DPH6: variants seen among roughly 807,000 people sequenced by gnomAD.
The protein encoded by DPH6 is diphthine--ammonia ligase.
A neutral mutation model predicts 38.2 loss-of-function variants in DPH6; 33 were observed. The ratio of observed to expected loss-of-function variants is 0.86; its 90% confidence interval spans 0.65 to 1.15. The LOEUF (loss-of-function observed/expected upper bound fraction) is 1.15. DPH6 is among the 50% of genes most tolerant of loss of function. The pLI is 0.00. For synonymous variants in DPH6, 108 were observed against 103.0 expected, an observed-to-expected ratio of 1.05 and a Z score of -0.30; for missense variants, 325 against 320.0, an observed-to-expected ratio of 1.02 and a Z score of -0.12.
chr15:35,488,219 T>C (rs2054430587), intron 3 of DPH6, among the ~76,000 whole-genome samples: 1 of 152,168 alleles, frequency 6.6e-6, no homozygotes, highest in Non-Finnish European at 1.5e-5. Context: ...TCCTGTCTTC[T>C]TCTGAGCTCT....
At chr15:35,213,853 C>T (rs577309466), downstream of DPH6, among the ~76,000 whole-genome samples, 66 of 152,320 alleles carry the variant, frequency 4.3e-4, no homozygotes, top group African/African-American at 1.6e-3. Context: ...TGGCTCACGC[C>T]TGTAATCCCA....
At chr15:35,453,380 C>A (rs935426804) in intron 4 of DPH6, among the ~76,000 whole-genome samples, 29 of 152,152 alleles carry the variant, frequency 1.9e-4, no homozygotes, top group Admixed American at 1.2e-3. Context: ...TCATCCCTAT[C>A]TCCAGTTTGG....
intron 3 of DPH6, among the ~76,000 whole-genome samples, chr15:35,248,501 A>T (rs2051650559): frequency 6.6e-6 from 1 of 152,170 alleles, no homozygotes; most frequent in Non-Finnish European, 1.5e-5. Context: ...CCACAACCTC[A>T]GTCTATTACT....
chr15:35,449,950 A>G (rs1440042988), intron 5 of DPH6, among the ~76,000 whole-genome samples: 6 of 152,156 alleles, frequency 3.9e-5, no homozygotes, highest in Non-Finnish European at 2.9e-5. Flanking sequence ...AATGAGGTAC[A>G]TGATTTAGGC....
At chr15:35,278,151 C>A (rs1280790170) in intron 3 of DPH6, among the ~76,000 whole-genome samples, 2 of 152,186 alleles carry the variant, frequency 1.3e-5, no homozygotes, top group African/African-American at 4.8e-5. Context: ...ATATCACAGG[C>A]CCAGAAGCCT....
At chr15:35,499,586 A>G (rs534122310) in intron 3 of DPH6, among the ~76,000 whole-genome samples, 15 of 152,344 alleles carry the variant, frequency 9.8e-5, no homozygotes, top group Admixed American at 8.5e-4. Flanking sequence ...GGGAAGAATT[A>G]AAAAAGATGG....
chr15:35,522,370 G>T, intron 3 of DPH6: 6 of 1,286,850 alleles, frequency 4.7e-6, no homozygotes, highest in Non-Finnish European at 5.4e-6. Flanking sequence ...TTCACCACCA[G>T]TCAGGCTGTC....
chr15:35,473,085 C>G (rs376834185), intron 3 of DPH6, among the ~76,000 whole-genome samples: 14 of 152,164 alleles, frequency 9.2e-5, no homozygotes, highest in African/African-American at 3.4e-4. Context: ...AATATGAAAA[C>G]TTAGTGGGAG....
At chr15:35,164,824 G>A in the DPH6 span, among the ~76,000 whole-genome samples, 1 of 151,710 alleles carries the variant, frequency 6.6e-6, no homozygotes, top group Non-Finnish European at 1.5e-5. Context: ...TTGGCCTTAT[G>A]GGCTGTCACT....
the DPH6 span, among the ~76,000 whole-genome samples, chr15:35,204,645 TAGCAAAATACAGTAAAAGG>T: frequency 4.0e-5 from 6 of 151,874 alleles, no homozygotes; most frequent in African/African-American, 1.4e-4. Context: ...GAAAAACCTC[TAGCAAAATACAGTAAAAGG>T]AGTAATTGAA....
chr15:35,448,916 A>AT lies in DPH6; in HGVS notation c.505+1768dup, dbSNP rs1279033601. On this transcript the variant is annotated intron_variant, in intron 5 of 8. Coordinates refer to ENST00000256538, the MANE Select transcript of DPH6 (RefSeq NM_080650.4). ...ACTGACCTTTTTCTATTATAAGACC[A>AT]TTTCATAGAAAAATGGTCCACAAAA... Among the ~76,000 whole-genome samples the AT allele has an allele frequency of 4.6e-5, 7 of 151,210 alleles. No homozygotes were observed. The South Asian group carries it at 1.3e-3, about 27-fold the overall frequency.
chr15:35,392,828 G>A (rs892208674), intron 6 of DPH6, among the ~76,000 whole-genome samples: 1 of 152,178 alleles, frequency 6.6e-6, no homozygotes, highest in Non-Finnish European at 1.5e-5. Flanking sequence ...CCTGAAAGAT[G>A]GAAGGGGGAA....
intron 3 of DPH6, among the ~76,000 whole-genome samples, chr15:35,321,562 C>G (rs1269351693): frequency 6.6e-6 from 1 of 152,180 alleles, no homozygotes; most frequent in Middle Eastern, 3.2e-3. Flanking sequence ...ATGTTTATTT[C>G]TTGACTCTGG....
At chr15:35,443,917 C>G (rs1327407661) in intron 5 of DPH6, among the ~76,000 whole-genome samples, 1 of 152,116 alleles carries the variant, frequency 6.6e-6, no homozygotes, top group Non-Finnish European at 1.5e-5. Flanking sequence ...CTTGTCAAAT[C>G]AGACTCAAAC....
At chr15:35,456,661 T>C (rs1317020538) in intron 3 of DPH6, among the ~76,000 whole-genome samples, 1 of 151,660 alleles carries the variant, frequency 6.6e-6, no homozygotes, top group East Asian at 2.0e-4. Context: ...CTAAGTTTTG[T>C]ATTTTTAGTA....
At chr15:35,368,402 A>G (rs1455048), downstream of DPH6, among the ~76,000 whole-genome samples, 40,369 of 151,842 alleles carry the variant, frequency 0.27, 5,575 homozygotes, top group South Asian at 0.38. Context: ...ATAGCCTTCC[A>G]TTCATGGCTA....
intron 3 of DPH6, among the ~76,000 whole-genome samples, chr15:35,455,443 A>G (rs1307714397): frequency 6.6e-6 from 1 of 152,168 alleles, no homozygotes; most frequent in Non-Finnish European, 1.5e-5. Flanking sequence ...AATGACAACT[A>G]TCCTGTCTAG....
At chr15:35,164,461 C>T in the DPH6 span, among the ~76,000 whole-genome samples, 57 of 151,302 alleles carry the variant, frequency 3.8e-4, no homozygotes, top group African/African-American at 1.3e-3. Flanking sequence ...TTGGCAAAAT[C>T]GCTGCTTTCT....
rs538669682 is a variant in DPH6, at chr15:35,230,714, T to C, written n.201-10132A>G. Among the ~76,000 whole-genome samples the C allele has an allele frequency of 5.9e-5, 9 of 152,306 alleles. No individual in the cohort carries two copies. The South Asian group carries it at 1.9e-3, about 32-fold the overall frequency. On this transcript the variant is annotated intron_variant and non_coding_transcript_variant, in intron 3 of 3. Transcript: ENST00000560386. ...TATTCAGGGCTCAAGGGATCTTCAG[T>C]TAGCAGGTGATGAATCCTGCCAGGA...
Sources: gnomAD v4.1 joint callset for allele counts (sites outside exome capture counted in the v4.1 genomes callset) on GRCh38, gnomAD v4.1.1 for gene constraint, MANE v1.5 for transcripts, NCBI Gene and HGNC (gene_info 2026-07-23, HGNC 2026-07-21) for gene names.